The following SPATA13 variants were observed in gnomAD, a reference collection of about 807,000 sequenced individuals.
SPATA13 encodes the protein spermatogenesis-associated protein 13.
A neutral mutation model predicts 104.0 loss-of-function variants in SPATA13; 50 were observed. That is an observed-to-expected ratio of 0.48 (90% confidence interval 0.38 to 0.61). The LOEUF (loss-of-function observed/expected upper bound fraction) is 0.61, where lower values mean the gene tolerates loss of function less well. Among genes scored for constraint, SPATA13 ranks in the 20% least tolerant of loss-of-function variants. The probability of loss-of-function intolerance (pLI) is 0.00; values close to 1 mark genes in which losing one functional copy is unlikely to be tolerated. For synonymous variants in SPATA13, 606 were observed against 667.5 expected, an observed-to-expected ratio of 0.91 and a Z score of 1.42; for missense variants, 1,524 against 1,690.6, an observed-to-expected ratio of 0.90 and a Z score of 1.73.
intron 1 of SPATA13, among the ~76,000 whole-genome samples, chr13:24,163,025 A>G (rs147571805): frequency 6.6e-6 from 1 of 152,212 alleles, no homozygotes; most frequent in South Asian, 2.1e-4. Flanking sequence ...GCCTGGGGCC[A>G]GTGCCTGGGC....
At chr13:24,302,492 A>T in intron 12 of SPATA13, 106 bp from the exon 13 acceptor site, 1 of 471,916 alleles carries the variant, frequency 2.1e-6, no homozygotes, top group Non-Finnish European at 3.8e-6. Flanking sequence ...AAAAAAAAGA[A>T]TTAGCTGAGA....
In SPATA13 at chr13:24,223,405, G is replaced by A. The variant is rs1566158736; in HGVS notation, c.476G>A (p.Ser159Asn). 4 of 1,551,134 alleles carry A rather than the reference G, an allele frequency of 2.6e-6. No homozygotes were observed. Among genetic ancestry groups the A allele is most frequent in the Non-Finnish European group, 3.5e-6 (4 of 1,146,992 alleles). The change falls in exon 2 of 13, where the codon AGC becomes AAC. Residue 159 changes from serine to asparagine, a missense_variant. Coordinates refer to ENST00000382108, the MANE Select transcript of SPATA13 (RefSeq NM_001166271.3). ...GGCGCTGTCCCAGGAGCCCAGGCAA[G>A]CAGGGGCTCCCCCTTAGCACCGGGA... ...PNGAVPGAQA[S>N]RGSPLAPGPA...
chr13:24,178,264 TTGCCACCTC>T (rs1346656080), intron 1 of SPATA13, among the ~76,000 whole-genome samples: 2 of 152,226 alleles, frequency 1.3e-5, no homozygotes, highest in African/African-American at 4.8e-5. Context: ...AAGCCACTGC[TTGCCACCTC>T]TGCCACCTGT....
At chr13:24,119,326 G>C (rs1363331335) in intron 3 of SPATA13, among the ~76,000 whole-genome samples, 3 of 152,086 alleles carry the variant, frequency 2.0e-5, no homozygotes, top group Non-Finnish European at 1.5e-5. Context: ...GGGTACTTGA[G>C]CCATGTTCCC....
intron 1 of SPATA13, among the ~76,000 whole-genome samples, chr13:24,219,812 C>G (rs1040587474): frequency 6.6e-6 from 1 of 152,202 alleles, no homozygotes; most frequent in Middle Eastern, 3.4e-3. Context: ...TTTTCTAAAC[C>G]CACTTTCACC....
intron 4 of SPATA13, among the ~76,000 whole-genome samples, chr13:24,267,760 A>G (rs1177786808): frequency 6.6e-6 from 1 of 152,194 alleles, no homozygotes; most frequent in African/African-American, 2.4e-5. Flanking sequence ...TTACCTTTTC[A>G]TTCTGACTAA....
At chr13:24,230,224 C>T (rs1419188244) in intron 2 of SPATA13, among the ~76,000 whole-genome samples, 1 of 152,220 alleles carries the variant, frequency 6.6e-6, no homozygotes, top group East Asian at 1.9e-4. Context: ...TACCTCACCA[C>T]TCAACACCTG....
At chr13:24,003,067 A>C (rs575653487) in intron 2 of SPATA13, among the ~76,000 whole-genome samples, 2 of 152,304 alleles carry the variant, frequency 1.3e-5, no homozygotes, top group South Asian at 4.1e-4. Context: ...CCATTGACTC[A>C]GTCTTCCGAA....
intron 3 of SPATA13, among the ~76,000 whole-genome samples, chr13:24,073,096 T>G (rs1340786647): frequency 1.3e-5 from 2 of 152,168 alleles, no homozygotes; most frequent in Non-Finnish European, 2.9e-5. Context: ...AAGGCAATGG[T>G]GAGTTATTTG....
At position 24,289,057 on chromosome 13, in the gene SPATA13, C is replaced by T; in HGVS notation, c.2726C>T (p.Thr909Ile). Residue 909 changes from threonine (T) to isoleucine (I), a missense_variant, in exon 8 of 13, where the codon ACT becomes ATT. By Grantham distance (89) the Thr-to-Ile change is moderately conservative. Transcript: ENST00000382108. Reference sequence around the variant, plus strand: ...ATGTTCACCGTTGCGCAGCTAGCCACTATTTTTGGAAACATTGAAGATATT... The same window carrying T: ...ATGTTCACCGTTGCGCAGCTAGCCATTATTTTTGGAAACATTGAAGATATT... ...TGMFTVAQLA[T>I]IFGNIEDIYK... The T allele has an allele frequency of 6.2e-7, 1 of 1,614,028 alleles. No homozygotes were observed. Among genetic ancestry groups the T allele is most frequent in the Non-Finnish European group, 8.5e-7 (1 of 1,180,004 alleles).
chr13:24,160,682 T>A (rs112561945), upstream of SPATA13: 6 of 931,574 alleles, frequency 6.4e-6, no homozygotes, highest in Middle Eastern at 5.3e-4. Flanking sequence ...GCTGGGGGCG[T>A]GGCCTGGTGG....
intron 2 of SPATA13, 89 bp from the exon 3 acceptor site, chr13:24,249,388 G>A (rs1429868361): frequency 4.9e-6 from 7 of 1,419,504 alleles, no homozygotes; most frequent in East Asian, 2.5e-5. Context: ...CCGAGGCACG[G>A]CTGTGGTGGT....
intron 4 of SPATA13, among the ~76,000 whole-genome samples, chr13:24,254,026 T>G (rs961805003): frequency 5.9e-5 from 9 of 151,984 alleles, no homozygotes; most frequent in Non-Finnish European, 1.2e-4. Flanking sequence ...GAGGGCAGTT[T>G]GTGGGGGGAA....
At chr13:24,119,197 G>A (rs553424920) in intron 3 of SPATA13, among the ~76,000 whole-genome samples, 4 of 152,166 alleles carry the variant, frequency 2.6e-5, no homozygotes, top group East Asian at 3.9e-4. Context: ...GTGAGCCACC[G>A]CGCCCGGCTG....
chr13:24,191,432 T>G (rs1869738431), intron 1 of SPATA13, among the ~76,000 whole-genome samples: 1 of 151,872 alleles, frequency 6.6e-6, no homozygotes, highest in Non-Finnish European at 1.5e-5. Context: ...ATTGCTGTGG[T>G]CTGGAACCAA....
intron 3 of SPATA13, among the ~76,000 whole-genome samples, chr13:24,093,046 GATC>G (rs774768485): frequency 6.6e-6 from 1 of 152,180 alleles, no homozygotes; most frequent in Non-Finnish European, 1.5e-5. Flanking sequence ...CAATGGGCAC[GATC>G]ACATTTTGTT....
At chr13:24,299,448 T>G (rs1242076661) in intron 11 of SPATA13, among the ~76,000 whole-genome samples, 1 of 152,122 alleles carries the variant, frequency 6.6e-6, no homozygotes, top group Admixed American at 6.5e-5. Flanking sequence ...TGCATGTGTG[T>G]GGGTAGAAGC....
rs1374039248 is a variant in SPATA13 at position 24,305,944 on chromosome 13, G to A, written c.*3171G>A. 3 of 152,278 alleles carry A rather than the reference G, an allele frequency of 2.0e-5. No homozygotes were observed. The highest frequency in any genetic ancestry group is 1.9e-4 in the East Asian group (1 of 5,186). 9.4% of individuals were successfully genotyped at this position (152,278 alleles called of 1,614,324 possible). A position where few individuals can be genotyped will look rare whatever the true frequency, so the allele number is the denominator to read the frequency against. Reference sequence around the variant, plus strand: ...GTAGATTTCTTTGTCTTTGGCCTGCGGACTAGAAAGAGGGCAGCAGTAGTA... The same window carrying A: ...GTAGATTTCTTTGTCTTTGGCCTGCAGACTAGAAAGAGGGCAGCAGTAGTA... On this transcript the variant is annotated 3_prime_UTR_variant, in exon 13 of 13. Transcript: ENST00000382108.
chr13:24,170,494 TGTCTGTC>T (rs2138504179), intron 1 of SPATA13, among the ~76,000 whole-genome samples: 1 of 152,318 alleles, frequency 6.6e-6, no homozygotes, highest in African/African-American at 2.4e-5. Flanking sequence ...AAGAAGGAAT[TGTCTGTC>T]GTCAGCAAGA....
Sources: gnomAD v4.1 joint callset for allele counts (sites outside exome capture counted in the v4.1 genomes callset) on GRCh38, gnomAD v4.1.1 for gene constraint, MANE v1.5 for transcripts, NCBI Gene and HGNC (gene_info 2026-07-23, HGNC 2026-07-21) for gene names.